The following CDH13 variants were observed in gnomAD, a reference collection of about 807,000 sequenced individuals.
CDH13 encodes the protein cadherin 13, also known as cadherin-13.
A neutral mutation model predicts 63.8 loss-of-function variants in CDH13; 24 were observed. The ratio of observed to expected loss-of-function variants is 0.38; its 90% CI spans 0.27 to 0.53. CDH13 has a LOEUF of 0.53. Ranked by LOEUF, CDH13 falls within the 20% of genes least tolerant of loss-of-function variation. CDH13 has a pLI of 0.85. For synonymous variants in CDH13, 503 were observed against 355.3 expected, an observed-to-expected ratio of 1.42 and a Z score of -4.67; for missense variants, 1,049 against 903.1, an observed-to-expected ratio of 1.16 and a Z score of -2.07.
intron 11 of CDH13, among the ~76,000 whole-genome samples, chr16:83,774,618 C>T (rs1914982299): frequency 6.6e-6 from 1 of 152,176 alleles, no homozygotes; most frequent in East Asian, 1.9e-4. Flanking sequence ...AAGTGATCTG[C>T]CCACTTCAGC....
intron 2 of CDH13, among the ~76,000 whole-genome samples, chr16:82,874,329 T>A (rs767163937): frequency 1.3e-5 from 2 of 152,148 alleles, no homozygotes; most frequent in African/African-American, 2.4e-5. Flanking sequence ...TGCTAAGATG[T>A]TGAGTTGGCG....
At chr16:83,318,458 C>G (rs1295131466) in intron 5 of CDH13, among the ~76,000 whole-genome samples, 1 of 152,176 alleles carries the variant, frequency 6.6e-6, no homozygotes, top group Non-Finnish European at 1.5e-5. Flanking sequence ...TTCACACAGA[C>G]TTTAGGCAAT....
intron 10 of CDH13, among the ~76,000 whole-genome samples, chr16:83,737,402 A>C (rs1911639438): frequency 6.6e-6 from 1 of 152,268 alleles, no homozygotes; most frequent in African/African-American, 2.4e-5. Flanking sequence ...TGAAGATATT[A>C]AATTCACACA....
chr16:82,655,430 G>A (rs1911187350), intron 1 of CDH13, among the ~76,000 whole-genome samples: 1 of 152,182 alleles, frequency 6.6e-6, no homozygotes, highest in Admixed American at 6.5e-5. Flanking sequence ...AAAGGAAAGT[G>A]TATGCCAGGA....
intron 5 of CDH13, among the ~76,000 whole-genome samples, chr16:83,282,260 T>C (rs898966021): frequency 4.6e-5 from 7 of 152,120 alleles, no homozygotes; most frequent in Admixed American, 1.3e-4. Flanking sequence ...GACATAATAA[T>C]AATGAAAAAT....
At chr16:82,885,934 G>T (rs1010627424) in intron 2 of CDH13, among the ~76,000 whole-genome samples, 1 of 152,100 alleles carries the variant, frequency 6.6e-6, no homozygotes, top group Admixed American at 6.5e-5. Context: ...GTAAATATTA[G>T]CTGTCTTTAT....
chr16:83,728,460 C>G (rs1355575498), intron 10 of CDH13, among the ~76,000 whole-genome samples: 1 of 151,958 alleles, frequency 6.6e-6, no homozygotes, highest in Non-Finnish European at 1.5e-5. Flanking sequence ...CAATGCAATT[C>G]TTTTTAGTGA....
At chr16:83,292,491 G>C (rs1363800025) in intron 5 of CDH13, among the ~76,000 whole-genome samples, 1 of 152,098 alleles carries the variant, frequency 6.6e-6, no homozygotes, top group Non-Finnish European at 1.5e-5. Context: ...AAATAAAGCA[G>C]CTTTGGGCCA....
intron 10 of CDH13, among the ~76,000 whole-genome samples, chr16:83,711,278 C>T (rs1448601538): frequency 6.6e-6 from 1 of 152,200 alleles, no homozygotes; most frequent in South Asian, 2.1e-4. Flanking sequence ...ATAAAAGCCT[C>T]CTGTGCTCAT....
At chr16:83,537,996 G>C (rs1598250014) in intron 7 of CDH13, among the ~76,000 whole-genome samples, 1 of 152,120 alleles carries the variant, frequency 6.6e-6, no homozygotes. Flanking sequence ...AAATGTTGAT[G>C]TTACCGTGCT....
intron 5 of CDH13, among the ~76,000 whole-genome samples, chr16:83,250,466 T>C (rs1255444128): frequency 6.6e-6 from 1 of 152,124 alleles, no homozygotes; most frequent in Non-Finnish European, 1.5e-5. Flanking sequence ...AAGGAAGTGA[T>C]AGCAGAAGTA....
chr16:82,902,314 G>C (rs912528009), intron 2 of CDH13, among the ~76,000 whole-genome samples: 1 of 151,554 alleles, frequency 6.6e-6, no homozygotes. Context: ...CTTCTCTGGA[G>C]ATTTGCCTTA....
chr16:83,384,469 A>C (rs1171032933), intron 6 of CDH13, among the ~76,000 whole-genome samples: 1 of 152,254 alleles, frequency 6.6e-6, no homozygotes, highest in East Asian at 1.9e-4. Context: ...GAGGCTTATT[A>C]CAAGAGGTAA....
chr16:82,874,829 T>G (rs1373312899), intron 2 of CDH13, among the ~76,000 whole-genome samples: 1 of 152,080 alleles, frequency 6.6e-6, no homozygotes, highest in Non-Finnish European at 1.5e-5. Context: ...AGAAAGAGAC[T>G]CAGCATGAAA....
intron 7 of CDH13, among the ~76,000 whole-genome samples, chr16:83,543,024 C>T (rs770753237): frequency 8.5e-5 from 13 of 152,242 alleles, no homozygotes; most frequent in African/African-American, 2.9e-4. Context: ...AGCTTGAGAA[C>T]GACTGCCTTG....
At chr16:83,440,784 CAAA>C (rs34731612) in intron 6 of CDH13, among the ~76,000 whole-genome samples, 23,990 of 123,522 alleles carry the variant, frequency 0.19, 2,502 homozygotes, top group East Asian at 0.43. Flanking sequence ...GACTTCATCT[CAAA>C]AAAAAAAAAA....
rs753448816 is a variant in CDH13, at chr16:82,627,133, C to T, written c.41C>T (p.Ser14Phe). The T allele has an allele frequency of 6.2e-7, 1 of 1,606,976 alleles. No individual in the cohort carries two copies. The highest frequency in any genetic ancestry group is 8.5e-7 in the Non-Finnish European group (1 of 1,177,022). The change falls in exon 1 of 14, where the codon TCC becomes TTC. Residue 14 changes from serine to phenylalanine, a missense_variant. Physicochemically the swap from Ser to Phe is radical, Grantham distance 155 (BLOSUM62 -2). Transcript: ENST00000567109. ...RTPLVLCVLL[S>F]QVLLLTSAED... ...CCGCTCGTTCTGTGCGTTCTCCTGT[C>T]CCAGGTAGGGAAGAGGGGCTGCCGG...
intron 1 of CDH13, among the ~76,000 whole-genome samples, chr16:82,655,134 C>A (rs1227484143): frequency 6.6e-6 from 1 of 152,206 alleles, no homozygotes; most frequent in East Asian, 1.9e-4. Context: ...TTCATTTTCC[C>A]AACACATTTA....
chr16:83,440,886 C>A (rs569034985), intron 6 of CDH13, among the ~76,000 whole-genome samples: 7 of 151,704 alleles, frequency 4.6e-5, no homozygotes, highest in South Asian at 2.1e-4. Flanking sequence ...GTTTGCCAAG[C>A]GAAGAAAAGA....
Sources: gnomAD v4.1 joint callset for allele counts (sites outside exome capture counted in the v4.1 genomes callset) on GRCh38, gnomAD v4.1.1 for gene constraint, MANE v1.5 for transcripts, NCBI Gene and HGNC (gene_info 2026-07-23, HGNC 2026-07-21) for gene names.